Variants in TG observed in about 807,000 individuals in gnomAD.
The protein encoded by TG is thyroid hormones.
A neutral mutation model predicts 324.7 loss-of-function variants in TG; 270 were observed. That is an observed-to-expected ratio of 0.83 (90% confidence interval 0.75 to 0.92). TG has a LOEUF of 0.92. Ranked by LOEUF, TG falls within the 40% of genes least tolerant of loss-of-function variation. TG has a pLI of 0.00. For missense variants in TG, 3,591 were observed against 3,456.4 expected (o/e 1.04, Z -0.98); for synonymous variants, 1,401 against 1,327.0 (o/e 1.06, Z -1.21).
At position 133,100,259 on chromosome 8, in the gene TG, C is replaced by G. The variant is rs138742229; in HGVS notation, c.7572+3886C>G. Among the ~76,000 whole-genome samples the G allele has an allele frequency of 2.9e-3, 445 of 152,302 alleles. 4 individuals are homozygous for G. The highest frequency in any genetic ancestry group is 0.021 in the East Asian group (108 of 5,188). On this transcript the variant is annotated intron_variant, in intron 43 of 47. Transcript: ENST00000220616. ...TTCAGGGTCTGCTTATCAGAAAGAC[C>G]TTGCTTGACCACTTGGATTCAGAGG...
chr8:132,873,359 T>TA, intron 5 of TG, 138 bp downstream of exon 5: 1 of 1,228,832 alleles, frequency 8.1e-7, no homozygotes, highest in Middle Eastern at 2.7e-4. Context: ...TGAGCTGTCC[T>TA]GGGCATCTAA....
chr8:132,966,466 CTGTGTGTG>C, intron 29 of TG, 86 bp from the exon 30 acceptor site: 1 of 974,106 alleles, frequency 1.0e-6, no homozygotes, highest in Non-Finnish European at 1.5e-6. Context: ...GTCTCTCTCT[CTGTGTGTG>C]TGTGTGTGTG....
At chr8:132,945,610 G>A (rs1406840640) in intron 26 of TG, among the ~76,000 whole-genome samples, 1 of 152,162 alleles carries the variant, frequency 6.6e-6, no homozygotes, top group Non-Finnish European at 1.5e-5. Flanking sequence ...GGTATCAAAT[G>A]TGTGGATATG....
chr8:132,882,935 G>A lies in TG; in HGVS notation c.1011G>A (p.Trp337Ter). The change falls in exon 8 of 48, where the codon TGG (tryptophan) becomes TGA (stop). Residue 337 changes from tryptophan (W) to a stop codon, truncating the protein, a stop_gained. Transcript: ENST00000220616. LOFTEE classifies it high-confidence loss of function. ...AGTGCCAGACGGAAGGGCCCTGCTG[G>A]TGTGTGGACGCCCAGGGGAAGGAAA... ...AVQCQTEGPC[W>*]CVDAQGKEMH... The A allele has an allele frequency of 6.2e-7, 1 of 1,614,204 alleles. No homozygotes were observed. Among genetic ancestry groups the A allele is most frequent in the South Asian group, 1.1e-5 (1 of 91,086 alleles).
At chr8:133,009,651 G>A (rs569702958) in intron 35 of TG, among the ~76,000 whole-genome samples, 1 of 151,596 alleles carries the variant, frequency 6.6e-6, no homozygotes, top group South Asian at 2.1e-4. Context: ...GGGGCCTTTG[G>A]GCACTGATCA....
At chr8:132,957,873 T>TTGG (rs1827160726) in intron 27 of TG, among the ~76,000 whole-genome samples, 2 of 152,214 alleles carry the variant, frequency 1.3e-5, no homozygotes, top group South Asian at 4.1e-4. Flanking sequence ...TTGTGAGATT[T>TTGG]TGGTGCACCC....
chr8:132,900,338 G>C lies in TG; in HGVS notation c.3432G>C (p.Gln1144His). ...ELRPGSSSSA[Q>H]CPSLCNVLKS... The stretch of plus-strand genomic sequence containing the variant: ...GGCCTGGCTCGAGCAGCAGTGCCCA[G>C]TGTGAGTAGCAGCCCCTCCTGGCAT... The change falls in exon 15 of 48, where the codon CAG (glutamine) becomes CAC (histidine). Residue 1144 changes from glutamine (Q) to histidine (H), a missense_variant and splice_region_variant. By Grantham distance (24) the Gln-to-His change is conservative. Coordinates refer to ENST00000220616, the MANE Select transcript of TG (RefSeq NM_003235.5). 2 of 1,611,082 alleles carry C rather than the reference G, an allele frequency of 1.2e-6. No individual in the cohort carries two copies. The highest frequency in any genetic ancestry group is 8.5e-7 in the Non-Finnish European group (1 of 1,179,038).
Position 133,095,291 on chromosome 8 carries a change from C to T in TG, c.7404+83C>T, listed in dbSNP as rs1273400933. On this transcript the variant is annotated intron_variant, in intron 42 of 47. Transcript: ENST00000220616. The stretch of plus-strand genomic sequence containing the variant: ...ATGAAGACCTAGGAAGGAGGTGTCA[C>T]CCACCCCAGCCATACCACACATGAG... 1.9e-6 allele frequency: 3 copies of T among 1,582,812 alleles called. No homozygotes were observed. In the African/African-American group the frequency reaches 4.0e-5, roughly 21 times the overall value.
intron 41 of TG, chr8:133,060,099 C>T (rs1038197529): frequency 5.6e-6 from 9 of 1,593,634 alleles, no homozygotes; most frequent in East Asian, 2.2e-5. Flanking sequence ...GCCAGACTTA[C>T]CCTCCGGGTT....
chr8:132,927,838 T>C (rs1285838338), intron 22 of TG, among the ~76,000 whole-genome samples: 1 of 152,222 alleles, frequency 6.6e-6, no homozygotes, highest in Non-Finnish European at 1.5e-5. Flanking sequence ...GATTATAACA[T>C]GGCATTTGCT....
intron 43 of TG, among the ~76,000 whole-genome samples, chr8:133,107,606 A>G (rs1039521865): frequency 2.0e-5 from 3 of 152,220 alleles, no homozygotes; most frequent in Admixed American, 6.5e-5. Flanking sequence ...GGTCTTGCTG[A>G]AAATGTGCCC....
At chr8:133,083,537 T>C (rs886708412) in intron 41 of TG, among the ~76,000 whole-genome samples, 2 of 152,160 alleles carry the variant, frequency 1.3e-5, no homozygotes, top group Non-Finnish European at 2.9e-5. Context: ...CCATGGCCTA[T>C]GCTCTTGATG....
intron 9 of TG, 76 bp from the exon 10 acceptor site, chr8:132,887,908 T>C: frequency 7.4e-7 from 1 of 1,346,768 alleles, no homozygotes; most frequent in East Asian, 2.5e-5. Flanking sequence ...GTTTGGACAG[T>C]TAAGTGGTTT....
In TG at chr8:132,910,318, C is replaced by T. The variant is rs1026477421; in HGVS notation, c.4003-1059C>T. On this transcript the variant is annotated intron_variant, in intron 18 of 47. Coordinates refer to ENST00000220616, the MANE Select transcript of TG (RefSeq NM_003235.5). ...TGTGGTGAAGGCTGAGGGCCAGGGCCACGTCAACTCTGAATTACTCATTGG... is the reference window on the plus strand; with the variant it reads ...TGTGGTGAAGGCTGAGGGCCAGGGCTACGTCAACTCTGAATTACTCATTGG... 1.7e-4 allele frequency among the ~76,000 whole-genome samples: 26 copies of T among 152,300 alleles called. 1 individual carries two copies. The highest frequency in any genetic ancestry group is 6.3e-4 in the African/African-American group (26 of 41,558).
At chr8:132,889,687 A>G (rs1403022078) in intron 10 of TG, among the ~76,000 whole-genome samples, 2 of 152,222 alleles carry the variant, frequency 1.3e-5, no homozygotes, top group African/African-American at 2.4e-5. Flanking sequence ...GGACATTCCT[A>G]TAATTTTAAA....
At chr8:133,055,588 G>A (rs767527368) in intron 41 of TG, among the ~76,000 whole-genome samples, 87 of 152,084 alleles carry the variant, frequency 5.7e-4, no homozygotes, top group Non-Finnish European at 1.1e-3. Flanking sequence ...TGGTTTTTCC[G>A]TATGTTAGTG....
At chr8:132,939,607 C>A (rs1563980070) in intron 25 of TG, among the ~76,000 whole-genome samples, 1 of 151,648 alleles carries the variant, frequency 6.6e-6, no homozygotes, top group Non-Finnish European at 1.5e-5. Flanking sequence ...ATCTGCTGAG[C>A]ATAAGCTAAG....
At chr8:133,011,015 G>A (rs1400144042) in intron 35 of TG, among the ~76,000 whole-genome samples, 1 of 152,204 alleles carries the variant, frequency 6.6e-6, no homozygotes, top group Non-Finnish European at 1.5e-5. Context: ...TATAAAGGAA[G>A]ACGTCTTAGC....
intron 13 of TG, 85 bp from the exon 14 acceptor site, chr8:132,898,713 C>T (rs756833909): frequency 5.2e-6 from 6 of 1,146,630 alleles, no homozygotes; most frequent in South Asian, 1.3e-5. Context: ...AGGCTCATGA[C>T]CCTTAAAGGT....
Sources: gnomAD v4.1 joint callset for allele counts (sites outside exome capture counted in the v4.1 genomes callset) on GRCh38, gnomAD v4.1.1 for gene constraint, MANE v1.5 for transcripts, NCBI Gene and HGNC (gene_info 2026-07-23, HGNC 2026-07-21) for gene names.